The following NRG1 variants were observed in gnomAD, a reference collection of about 807,000 sequenced individuals.
The protein encoded by NRG1 is pro-neuregulin-1, membrane-bound isoform.
Under a neutral mutation model 63.8 loss-of-function variants are expected in NRG1, and 18 were observed. That is an observed-to-expected ratio of 0.28 (90% CI 0.19 to 0.42). The LOEUF is 0.42. NRG1 is among the 10% of genes least tolerant of loss of function. The probability of loss-of-function intolerance (pLI) is 1.00; values close to 1 mark genes in which losing one functional copy is unlikely to be tolerated. For missense variants in NRG1, 762 were observed against 814.7 expected (o/e 0.94, Z 0.79); for synonymous variants, 302 against 301.3 (o/e 1.00, Z -0.02).
At chr8:32,074,386 A>G (rs1400231836) in intron 1 of NRG1, among the ~76,000 whole-genome samples, 2 of 152,210 alleles carry the variant, frequency 1.3e-5, no homozygotes, top group African/African-American at 4.8e-5. Context: ...CTTGAGCCTC[A>G]TATTTAAATG....
chr8:32,548,440 C>T lies in NRG1; in HGVS notation c.-287C>T, dbSNP rs987644570. The T allele has an allele frequency of 6.1e-6, 7 of 1,149,080 alleles. No homozygotes were observed. In the Admixed American group the frequency reaches 3.0e-4, roughly 49 times the overall value. 71.2% of individuals were successfully genotyped at this position (1,149,080 alleles called of 1,614,324 possible). A position where few individuals can be genotyped will look rare whatever the true frequency, so the allele number is the denominator to read the frequency against. On this transcript the variant is annotated 5_prime_UTR_variant, in exon 1 of 12. Transcript: ENST00000356819. ...GGTTGCGAGGGCGCCGGGCAGAGGCCAGGACGCGAGCCGCCAGCGGTGGGA... is the reference window on the plus strand; with the variant it reads ...GGTTGCGAGGGCGCCGGGCAGAGGCTAGGACGCGAGCCGCCAGCGGTGGGA...
intron 1 of NRG1, among the ~76,000 whole-genome samples, chr8:32,434,530 C>T (rs899358306): frequency 7.2e-5 from 11 of 152,098 alleles, no homozygotes; most frequent in Admixed American, 6.6e-5. Flanking sequence ...CCCAGAAGCC[C>T]AGATCGGGAC....
chr8:32,536,509 C>T (rs1391955461), intron 1 of NRG1, among the ~76,000 whole-genome samples: 1 of 152,198 alleles, frequency 6.6e-6, no homozygotes, highest in Non-Finnish European at 1.5e-5. Context: ...AGCCAACCGA[C>T]TAACAACTAG....
chr8:32,484,577 C>T (rs1825696651), intron 1 of NRG1, among the ~76,000 whole-genome samples: 1 of 151,808 alleles, frequency 6.6e-6, no homozygotes, highest in Admixed American at 6.6e-5. Context: ...TATCTGGAGT[C>T]ATTTGTACAA....
At chr8:32,094,780 C>T (rs759057885) in intron 1 of NRG1, among the ~76,000 whole-genome samples, 3 of 151,886 alleles carry the variant, frequency 2.0e-5, no homozygotes, top group East Asian at 1.9e-4. Flanking sequence ...CTACCCTCCC[C>T]GCAAAAGTTT....
At chr8:31,752,125 G>C (rs1199070757) in intron 1 of NRG1, among the ~76,000 whole-genome samples, 1 of 152,012 alleles carries the variant, frequency 6.6e-6, no homozygotes, top group African/African-American at 2.4e-5. Context: ...CCAGGAGAAT[G>C]AGCCTACAAG....
upstream of NRG1, among the ~76,000 whole-genome samples, chr8:32,543,733 A>G (rs1247208023): frequency 2.6e-5 from 4 of 152,234 alleles, no homozygotes; most frequent in Non-Finnish European, 4.4e-5. Flanking sequence ...TTTGATTTTA[A>G]TGTTGTTTGA....
chr8:32,195,454 A>AT (rs397713402), intron 1 of NRG1, among the ~76,000 whole-genome samples: 1 of 150,606 alleles, frequency 6.6e-6, no homozygotes, highest in East Asian at 1.9e-4. Context: ...AAAAAAAAAA[A>AT]TGTCCCTCTA....
chr8:32,473,119 G>C (rs923636981), intron 1 of NRG1, among the ~76,000 whole-genome samples: 1 of 152,136 alleles, frequency 6.6e-6, no homozygotes, highest in Non-Finnish European at 1.5e-5. Context: ...TTGCAAAATC[G>C]TTTTGTTAAA....
chr8:31,652,280 C>T lies in NRG1; in HGVS notation c.37+12849C>T, dbSNP rs149115958. On this transcript the variant is annotated intron_variant, in intron 1 of 10. Transcript: ENST00000519301. ...AGATTCGTCCCGTCTTCCCTCACTT[C>T]AACTTCTCTGTAATAGATTCTTACT... Among the ~76,000 whole-genome samples, 690 of 152,336 alleles carry T rather than the reference C, an allele frequency of 4.5e-3. 7 individuals are homozygous for T. Among genetic ancestry groups the T allele is most frequent in the African/African-American group, 0.016 (653 of 41,576 alleles).
intron 1 of NRG1, among the ~76,000 whole-genome samples, chr8:32,095,972 A>G (rs1829853533): frequency 6.6e-6 from 1 of 152,198 alleles, no homozygotes; most frequent in Non-Finnish European, 1.5e-5. Flanking sequence ...CTCTCTGAGA[A>G]GGAGACTTTG....
At chr8:32,150,849 C>T (rs1442410797) in intron 1 of NRG1, among the ~76,000 whole-genome samples, 4 of 152,144 alleles carry the variant, frequency 2.6e-5, no homozygotes, top group Non-Finnish European at 5.9e-5. Flanking sequence ...TGCAAATTAT[C>T]CTCTAAACTG....
At chr8:32,744,220 A>G (rs960387153) in intron 7 of NRG1, among the ~76,000 whole-genome samples, 11 of 152,268 alleles carry the variant, frequency 7.2e-5, no homozygotes, top group Admixed American at 2.0e-4. Flanking sequence ...AATAAATTCT[A>G]TAATGTATAA....
chr8:32,184,415 G>A (rs998494497), intron 1 of NRG1, among the ~76,000 whole-genome samples: 1 of 151,978 alleles, frequency 6.6e-6, no homozygotes, highest in Non-Finnish European at 1.5e-5. Flanking sequence ...CAAAATCAAG[G>A]CCCAGCATAT....
At chr8:32,036,735 T>A (rs1173281148) in intron 1 of NRG1, among the ~76,000 whole-genome samples, 2 of 152,206 alleles carry the variant, frequency 1.3e-5, no homozygotes, top group African/African-American at 4.8e-5. Flanking sequence ...TTATTGATAC[T>A]CGTGGTTGCA....
At chr8:32,586,641 G>GT (rs1841667243) in intron 1 of NRG1, among the ~76,000 whole-genome samples, 1 of 152,060 alleles carries the variant, frequency 6.6e-6, no homozygotes, top group Non-Finnish European at 1.5e-5. Flanking sequence ...ACTAGGTATG[G>GT]TAAAAAGTCC....
chr8:32,028,570 A>G (rs1161912289), intron 1 of NRG1, among the ~76,000 whole-genome samples: 2 of 152,200 alleles, frequency 1.3e-5, no homozygotes, highest in African/African-American at 4.8e-5. Flanking sequence ...TGGAATTAAC[A>G]TTCAGGTCAT....
intron 1 of NRG1, among the ~76,000 whole-genome samples, chr8:32,562,649 A>T (rs1192049871): frequency 6.6e-6 from 1 of 151,990 alleles, no homozygotes; most frequent in African/African-American, 2.4e-5. Context: ...TCAGTGTGTG[A>T]GTGTGCATGT....
At chr8:32,390,551 C>T (rs1443948747) in intron 1 of NRG1, among the ~76,000 whole-genome samples, 2 of 149,122 alleles carry the variant, frequency 1.3e-5, no homozygotes, top group African/African-American at 5.0e-5. Context: ...TTCAGTGAGC[C>T]GTGATCATGC....
Sources: gnomAD v4.1 joint callset for allele counts (sites outside exome capture counted in the v4.1 genomes callset) on GRCh38, gnomAD v4.1.1 for gene constraint, MANE v1.5 for transcripts, NCBI Gene and HGNC (gene_info 2026-07-23, HGNC 2026-07-21) for gene names.